CCDC180: variants seen among roughly 807,000 people sequenced by gnomAD.
CCDC180 encodes the protein coiled-coil domain-containing protein 180.
In CCDC180, 154 loss-of-function variants were observed where a neutral mutation model predicts 209.2. That is an observed-to-expected ratio of 0.74 (90% CI 0.65 to 0.84). The LOEUF is 0.84. Among genes scored for constraint, CCDC180 ranks in the 40% least tolerant of loss-of-function variants. The pLI is 0.00. For synonymous variants in CCDC180, 778 were observed against 749.1 expected (o/e 1.04, Z -0.63); for missense variants, 1,874 against 1,997.3 (o/e 0.94, Z 1.18).
Position 97,361,841 on chromosome 9 carries a change from G to A in CCDC180, c.3599G>A (p.Arg1200His), listed in dbSNP as rs143393901. The change falls in exon 27 of 37, where the codon CGC becomes CAC. Residue 1200 changes from arginine (R) to histidine (H), a missense_variant. Transcript: ENST00000529487. Reference protein sequence around the residue: ...VTPESFTQLSRVGKPLIEDPA... With the variant: ...VTPESFTQLSHVGKPLIEDPA... ...CCTGAGTCCTTCACCCAGCTGAGCC[G>A]CGTGGGGAAGCCCCTGATTGAGGAC... 2.1e-4 allele frequency: 342 copies of A among 1,614,118 alleles called. 3 individuals carry two copies. In the Middle Eastern group the frequency reaches 3.8e-3, roughly 18 times the overall value.
rs1036060574 is a variant in CCDC180 at position 97,349,712 on chromosome 9, C to T, written c.2855+421C>T. Reference sequence around the variant, plus strand: ...GCACTGGCCCAGCTCAGTGTAGGAGCGTGCTCAGGGCAGAGCAAGGGGCTC... The same window carrying T: ...GCACTGGCCCAGCTCAGTGTAGGAGTGTGCTCAGGGCAGAGCAAGGGGCTC... On this transcript the variant is annotated intron_variant, in intron 21 of 36. Coordinates refer to ENST00000529487, the MANE Select transcript of CCDC180 (RefSeq NM_020893.6). Among the ~76,000 whole-genome samples, 8 of 152,254 alleles carry T rather than the reference C, an allele frequency of 5.3e-5. No individual in the cohort carries two copies. The East Asian group carries it at 1.4e-3, about 26-fold the overall frequency.
Position 97,366,670 on chromosome 9 carries a change from G to A in CCDC180, c.4159G>A (p.Ala1387Thr). The A allele has an allele frequency of 1.2e-6, 2 of 1,614,176 alleles. No homozygotes were observed. The highest frequency in any genetic ancestry group is 1.7e-6 in the Non-Finnish European group (2 of 1,180,022). ...AAAGATCCTGGAGTATCAGAGCCAG[G>A]CAAATAAGTACCACAACTCCTGCCT... Reference protein sequence around the residue: ...SKKILEYQSQANKYHNSCLIE... With the variant: ...SKKILEYQSQTNKYHNSCLIE... Residue 1387 changes from alanine (A) to threonine (T), a missense_variant, in exon 31 of 37, where the codon GCA becomes ACA. Physicochemically the swap from Ala to Thr is moderately conservative, Grantham distance 58 (BLOSUM62 0). Transcript: ENST00000529487. The surrounding 1 kb of genome is among the most constrained non-coding windows in gnomAD (Gnocchi z 4.3).
chr9:97,358,032 CTGT>C (rs2118852394), intron 25 of CCDC180: 1 of 240,896 alleles, frequency 4.2e-6, no homozygotes, highest in East Asian at 8.7e-5. Context: ...GTGTCCCTTG[CTGT>C]AAGGAGAACT....
Position 97,354,644 on chromosome 9 carries a change from C to T in CCDC180, c.3078C>T (p.Ala1026=). The T allele has an allele frequency of 6.2e-7, 1 of 1,614,174 alleles. No individual in the cohort carries two copies. Among genetic ancestry groups the T allele is most frequent in the South Asian group, 1.1e-5 (1 of 91,082 alleles). Residue 1026 remains alanine, a synonymous_variant, in exon 23 of 37, where the codon GCC becomes GCT. Transcript: ENST00000529487. ...SLCSRLEKEA[A]RIELVESVIM... is the part of the protein sequence containing the mutation. Reference sequence around the variant, plus strand: ...GTTCCCGACTGGAGAAGGAAGCTGCCCGGATAGAGTTGGTTGAAAGTGTCA... The same window carrying T: ...GTTCCCGACTGGAGAAGGAAGCTGCTCGGATAGAGTTGGTTGAAAGTGTCA...
chr9:97,307,598 G>C, upstream of CCDC180: 1 of 765,418 alleles, frequency 1.3e-6, no homozygotes, highest in Non-Finnish European at 2.3e-6. Context: ...ATGGAGGGTG[G>C]ATTAGGGTCC....
chr9:97,316,589 C>G (rs964195349), intron 8 of CCDC180, among the ~76,000 whole-genome samples: 9 of 152,158 alleles, frequency 5.9e-5, no homozygotes, highest in Non-Finnish European at 1.2e-4. Context: ...CAGGGGTGCC[C>G]AGGTGAGAAG....
In CCDC180 at chr9:97,357,725, C is replaced by G. The variant is rs781760327; in HGVS notation, c.3363C>G (p.Thr1121=). 8 of 1,589,568 alleles carry G rather than the reference C, an allele frequency of 5.0e-6. No homozygotes were observed. The East Asian group carries it at 1.8e-4, about 36-fold the overall frequency. The change falls in exon 25 of 37, where the codon ACC becomes ACG. Residue 1121 remains threonine (T), a splice_region_variant and synonymous_variant. Transcript: ENST00000529487. The part of the protein sequence containing the change: ...KTCQESRGEK[T]TVTTEELLSF... ...GTCAAGAGTCCAGGGGAGAGAAAAC[C>G]GTAAGTGTTCAATAGATTCTGCATG...
In CCDC180 at chr9:97,314,634, G is replaced by T. The variant is rs745726441; in HGVS notation, c.605G>T (p.Trp202Leu). Residue 202 changes from tryptophan (W) to leucine (L), a missense_variant, in exon 7 of 37, where the codon TGG (tryptophan) becomes TTG (leucine). By Grantham distance (61) the Trp-to-Leu change is moderately conservative (BLOSUM62 -2). Coordinates refer to ENST00000529487, the MANE Select transcript of CCDC180 (RefSeq NM_020893.6). ...TCTGCGTAGGCCCTGCTGGAGCTGTGGGATAAGGTGGCCGGGCGGTTACTG... is the reference window on the plus strand; with the variant it reads ...TCTGCGTAGGCCCTGCTGGAGCTGTTGGATAAGGTGGCCGGGCGGTTACTG... ...DYTIQALLEL[W>L]DKVAGRLLLR... 3.5e-5 allele frequency: 57 copies of T among 1,614,050 alleles called. No homozygotes were observed. Among genetic ancestry groups the T allele is most frequent in the Non-Finnish European group, 4.7e-5 (56 of 1,179,992 alleles).
chr9:97,372,388 A>G (rs1450758153), intron 34 of CCDC180: 1 of 152,242 alleles, frequency 6.6e-6, no homozygotes, highest in Non-Finnish European at 1.5e-5. Context: ...GTCATAGGGA[A>G]CAATTTGTCA....
At chr9:97,359,670 T>TG (rs1430862989) in intron 25 of CCDC180, among the ~76,000 whole-genome samples, 4 of 152,022 alleles carry the variant, frequency 2.6e-5, no homozygotes, top group East Asian at 3.9e-4. Flanking sequence ...TGTCCCCATC[T>TG]TACAGATGGG....
upstream of CCDC180, chr9:97,307,595 G>A: frequency 1.4e-6 from 1 of 736,706 alleles, no homozygotes. Context: ...CCCATGGAGG[G>A]TGGATTAGGG....
intron 16 of CCDC180, 80 bp from the exon 17 acceptor site, chr9:97,330,074 A>AC (rs1264599237): frequency 8.5e-7 from 1 of 1,172,200 alleles, no homozygotes; most frequent in African/African-American, 1.6e-5. Flanking sequence ...CTCAAAAAAA[A>AC]AAAAAAAAAA....
chr9:97,341,670 C>T (rs111892888), intron 18 of CCDC180, among the ~76,000 whole-genome samples: 17,054 of 152,226 alleles, frequency 0.11, 2,743 homozygotes, highest in African/African-American at 0.35. Flanking sequence ...TGTCCATTCT[C>T]GGAGCTCAAA....
At chr9:97,341,856 C>G (rs980391919) in intron 18 of CCDC180, among the ~76,000 whole-genome samples, 1 of 152,208 alleles carries the variant, frequency 6.6e-6, no homozygotes. Flanking sequence ...GCTTCCTGGC[C>G]GCTTTGTTTA....
In CCDC180 at chr9:97,362,369, A is replaced by G. The variant is rs1395709417; in HGVS notation, c.3830A>G (p.Lys1277Arg). Reference protein sequence around the residue: ...CPGPSSPKGFKRHRCQPENSG... With the variant: ...CPGPSSPKGFRRHRCQPENSG... ...GGGCCCTCGTCACCCAAAGGCTTCA[A>G]GCGACATCGGTGCCAGCCAGAAAAC... The change falls in exon 28 of 37, where the codon AAG (lysine) becomes AGG (arginine). Residue 1277 changes from lysine (K) to arginine (R), a missense_variant. Transcript: ENST00000529487. 3.1e-6 allele frequency: 5 copies of G among 1,614,086 alleles called. No homozygotes were observed. The highest frequency in any genetic ancestry group is 3.3e-4 in the Middle Eastern group (2 of 6,062).
chr9:97,365,741 T>G lies in CCDC180; in HGVS notation c.4047+2T>G, dbSNP rs1342032078. On this transcript the variant is annotated splice_donor_variant, in intron 30 of 36. Transcript: ENST00000529487. LOFTEE classifies it high-confidence loss of function. Reference sequence around the variant, plus strand: ...GAGAACCTGCTGACAGTCGCAGAGGTGAGGACCACCACCCATGGCCTGTGC... The same window carrying G: ...GAGAACCTGCTGACAGTCGCAGAGGGGAGGACCACCACCCATGGCCTGTGC... 6.2e-7 allele frequency: 1 copy of G among 1,613,616 alleles called. No homozygotes were observed. Among genetic ancestry groups the G allele is most frequent in the Non-Finnish European group, 8.5e-7 (1 of 1,179,836 alleles).
At chr9:97,369,874 G>C (rs1827027870) in intron 31 of CCDC180, 48 bp from the exon 32 acceptor site, 1 of 1,604,940 alleles carries the variant, frequency 6.2e-7, no homozygotes, top group African/African-American at 1.3e-5. Context: ...TCTGCAAGTT[G>C]ATTCTAATCT....
rs556253049 is a variant in CCDC180, at chr9:97,323,695, T to C, written c.1249-86T>C. On this transcript the variant is annotated intron_variant, in intron 12 of 36. Coordinates refer to ENST00000529487, the MANE Select transcript of CCDC180 (RefSeq NM_020893.6). ...TCACCTGGAGCTCAGGTCTGACTTG[T>C]GCAACGCTGAGGCCTGTAGGATGCA... 7.4e-5 allele frequency: 107 copies of C among 1,438,128 alleles called. 2 individuals carry two copies. The South Asian group carries it at 1.4e-3, about 19-fold the overall frequency. The allele number at this position is 1,438,128 out of a possible 1,614,324, so 89.1% of individuals were successfully genotyped here.
chr9:97,347,531 C>G (rs1471731696), intron 20 of CCDC180, 42 bp downstream of exon 20: 1 of 1,520,024 alleles, frequency 6.6e-7, no homozygotes, highest in Non-Finnish European at 8.8e-7. Flanking sequence ...CCCGCAGCCA[C>G]TCCTTCAGCG....
Sources: gnomAD v4.1 joint callset for allele counts (sites outside exome capture counted in the v4.1 genomes callset) on GRCh38, gnomAD v4.1.1 for gene constraint, Gnocchi (gnomAD v3.1) non-coding constraint, MANE v1.5 for transcripts, NCBI Gene and HGNC (gene_info 2026-07-23, HGNC 2026-07-21) for gene names.